TOP1MT: variants seen among roughly 807,000 people sequenced by gnomAD.
The protein encoded by TOP1MT is DNA topoisomerase I mitochondrial, also known as DNA topoisomerase I, mitochondrial.
In TOP1MT, 80 loss-of-function variants were observed where a neutral mutation model predicts 73.9. The ratio of observed to expected loss-of-function variants is 1.08; its 90% CI spans 0.90 to 1.30. TOP1MT has a LOEUF of 1.30. TOP1MT is among the 50% of genes most tolerant of loss of function. The pLI, the probability that TOP1MT is intolerant of heterozygous loss-of-function variation, is 0.00. For missense variants in TOP1MT, 815 were observed against 808.0 expected (o/e 1.01, Z -0.10); for synonymous variants, 338 against 326.4 (o/e 1.04, Z -0.38).
At chr8:143,331,700 G>A (rs1280576130) in intron 1 of TOP1MT, 5 of 193,078 alleles carry the variant, frequency 2.6e-5, no homozygotes, top group East Asian at 1.2e-4. Flanking sequence ...TAGAATCTTC[G>A]GGAACCTCTC....
intron 1 of TOP1MT, among the ~76,000 whole-genome samples, chr8:143,352,661 C>T (rs770688680): frequency 1.3e-5 from 2 of 152,246 alleles, no homozygotes; most frequent in Non-Finnish European, 2.9e-5. Flanking sequence ...AGGTCTCACT[C>T]TGTCACACAG....
At chr8:143,347,667 C>T (rs944807063), upstream of TOP1MT, among the ~76,000 whole-genome samples, 26 of 150,214 alleles carry the variant, frequency 1.7e-4, no homozygotes, top group Non-Finnish European at 2.9e-4. Context: ...TTAGAAGGAA[C>T]ATTGAAACCA....
intron 7 of TOP1MT, 91 bp from the exon 8 acceptor site, chr8:143,321,477 C>CCACACACGCACGCCACA (rs111852314): frequency 1.0e-6 from 1 of 1,001,086 alleles, no homozygotes; most frequent in African/African-American, 2.4e-5. Context: ...CACACGCACG[C>CCACACACGCACGCCACA]CACACGCACG....
At chr8:143,350,675 C>T (rs1817305822) in intron 1 of TOP1MT, among the ~76,000 whole-genome samples, 1 of 152,222 alleles carries the variant, frequency 6.6e-6, no homozygotes, top group Non-Finnish European at 1.5e-5. Context: ...ATCGAATATC[C>T]ACGGAGTGCT....
At chr8:143,311,951 A>G (rs1455503957) in intron 12 of TOP1MT, among the ~76,000 whole-genome samples, 2 of 152,238 alleles carry the variant, frequency 1.3e-5, no homozygotes, top group Non-Finnish European at 2.9e-5. Context: ...GAATAGAACT[A>G]TAACAAGTGA....
intron 3 of TOP1MT, among the ~76,000 whole-genome samples, chr8:143,328,718 G>A (rs1287776477): frequency 4.6e-5 from 7 of 152,352 alleles, no homozygotes; most frequent in Admixed American, 3.9e-4. Flanking sequence ...CACGAATAGG[G>A]AAATGGACTA....
upstream of TOP1MT, among the ~76,000 whole-genome samples, chr8:143,357,256 AAAG>A (rs1264172320): frequency 1.3e-5 from 2 of 151,728 alleles, no homozygotes; most frequent in African/African-American, 2.4e-5. Context: ...CAAAAATTAA[AAAG>A]AAGAATTAGC....
At chr8:143,313,173 C>T (rs536337581) in intron 12 of TOP1MT, among the ~76,000 whole-genome samples, 1 of 152,330 alleles carries the variant, frequency 6.6e-6, no homozygotes, top group African/African-American at 2.4e-5. Flanking sequence ...AGAAATCTAT[C>T]TTCATGGCCT....
At position 143,332,311 on chromosome 8, in the gene TOP1MT, G is replaced by C. The variant is rs144312378; in HGVS notation, c.123-972C>G. On this transcript the variant is annotated intron_variant, in intron 1 of 13. Transcript: ENST00000329245. ...GGCAGGCAGTGGGCAGGCTCGGTCA[G>C]CAGGGCTGCGGGAAGAGCAAGTCCA... Among the ~76,000 whole-genome samples, 598 of 152,340 alleles carry C rather than the reference G, an allele frequency of 3.9e-3. 5 individuals carry two copies. The highest frequency in any genetic ancestry group is 0.014 in the African/African-American group (568 of 41,582).
At position 143,329,338 on chromosome 8, in the gene TOP1MT, C is replaced by G. The variant is rs186437004; in HGVS notation, c.360+12G>C. ...GTCCAGGACAGCTGTGGCGGCCGCC[C>G]AGGGTACCTACCTTTCGCCAGTCAT... On this transcript the variant is annotated intron_variant, in intron 3 of 13. Coordinates refer to ENST00000329245, the MANE Select transcript of TOP1MT (RefSeq NM_052963.3). The G allele has an allele frequency of 1.5e-4, 232 of 1,594,740 alleles. 2 individuals carry two copies. The Admixed American group carries it at 1.9e-3, about 13-fold the overall frequency.
chr8:143,317,803 A>G lies in TOP1MT; in HGVS notation c.1250T>C (p.Met417Thr). The part of the protein sequence containing the change: ...TSLNKHLQEL[M>T]DGLTAKVFRT... Reference sequence around the variant, plus strand: ...GAACACCTTGGCCGTCAGCCCGTCCATCAGCTCCTGGAGGTGCTTGTTCAG... The same window carrying G: ...GAACACCTTGGCCGTCAGCCCGTCCGTCAGCTCCTGGAGGTGCTTGTTCAG... Residue 417 changes from methionine (M) to threonine (T), a missense_variant, in exon 10 of 14, where the codon ATG becomes ACG. By Grantham distance (81) the Met-to-Thr change is moderately conservative. This residue lies in a region of TOP1MT where 751 missense variants were observed against 725.4 expected (regional missense o/e 1.04). Transcript: ENST00000329245. The G allele has an allele frequency of 1.9e-6, 3 of 1,614,210 alleles. No individual in the cohort carries two copies. The highest frequency in any genetic ancestry group is 2.5e-6 in the Non-Finnish European group (3 of 1,180,036).
chr8:143,316,149 G>A (rs763336798), intron 10 of TOP1MT, 23 bp from the exon 11 acceptor site: 1 of 1,613,902 alleles, frequency 6.2e-7, no homozygotes, highest in East Asian at 2.2e-5. Context: ...GGCTGTCAGA[G>A]GCAGCACCCA....
intron 2 of TOP1MT, among the ~76,000 whole-genome samples, chr8:143,329,983 G>A (rs570552127): frequency 1.6e-4 from 25 of 152,308 alleles, no homozygotes; most frequent in East Asian, 1.2e-3. Context: ...TGAGAGGCTC[G>A]TGGTGGGAAC....
Position 143,309,507 on chromosome 8 carries a change from G to GTAGATCTTC in TOP1MT, c.1731_1739dup (p.Ile579_Tyr580insTer). ...CGAACCTCTCCCGCTGTGTTTTGCT[G>GTAGATCTTC]TAGATCTTCTCCACTGGCACCCTGA... On this transcript the variant is annotated stop_gained, in exon 14 of 14. Transcript: ENST00000329245. LOFTEE classifies it high-confidence loss of function. The GTAGATCTTC allele has an allele frequency of 1.2e-6, 2 of 1,614,040 alleles. No individual in the cohort carries two copies. Among genetic ancestry groups the GTAGATCTTC allele is most frequent in the Non-Finnish European group, 1.7e-6 (2 of 1,180,040 alleles).
At chr8:143,320,131 G>C (rs1034008691) in intron 8 of TOP1MT, among the ~76,000 whole-genome samples, 1 of 151,120 alleles carries the variant, frequency 6.6e-6, no homozygotes, top group Non-Finnish European at 1.5e-5. Flanking sequence ...CTTGAAAAAA[G>C]AAAAAAAATT....
At chr8:143,312,745 A>G (rs543833939) in intron 12 of TOP1MT, among the ~76,000 whole-genome samples, 1 of 152,390 alleles carries the variant, frequency 6.6e-6, no homozygotes, top group East Asian at 1.9e-4. Context: ...ATATGATTGG[A>G]AAAGAAAAAG....
At chr8:143,357,333 G>C (rs1817428600), upstream of TOP1MT, among the ~76,000 whole-genome samples, 1 of 150,432 alleles carries the variant, frequency 6.6e-6, no homozygotes, top group Non-Finnish European at 1.5e-5. Context: ...GATCACTTGG[G>C]CCCAAGAGGT....
At chr8:143,350,297 C>A (rs547048855) in intron 1 of TOP1MT, 1 of 152,178 alleles carries the variant, frequency 6.6e-6, no homozygotes, top group Admixed American at 6.5e-5. Context: ...AACACAACCA[C>A]TATACACCAT....
chr8:143,318,455 A>G lies in TOP1MT; in HGVS notation c.1147-369T>C, dbSNP rs557577992. On this transcript the variant is annotated intron_variant, in intron 8 of 13. Transcript: ENST00000329245. Reference sequence around the variant, plus strand: ...CACTCATCTGACATCACAGGACCTCAGGGCCTTCGGGGTTCCTGTGTCCAA... The same window carrying G: ...CACTCATCTGACATCACAGGACCTCGGGGCCTTCGGGGTTCCTGTGTCCAA... Among the ~76,000 whole-genome samples the G allele has an allele frequency of 2.0e-5, 3 of 152,324 alleles. No homozygotes were observed. In the South Asian group the frequency reaches 6.2e-4, roughly 32 times the overall value.
Sources: gnomAD v4.1 joint callset for allele counts (sites outside exome capture counted in the v4.1 genomes callset) on GRCh38, gnomAD v4.1.1 for gene constraint, gnomAD v4.1.1 regional missense constraint, MANE v1.5 for transcripts, NCBI Gene and HGNC (gene_info 2026-07-23, HGNC 2026-07-21) for gene names.